The following MCM10 variants were observed in gnomAD, a reference collection of about 807,000 sequenced individuals.
The protein encoded by MCM10 is minichromosome maintenance 10 replication initiation factor.
MCM10 carries 91 observed loss-of-function variants against 109.9 expected under a neutral mutation model. The ratio of observed to expected loss-of-function variants is 0.83; its 90% CI spans 0.70 to 0.99. The LOEUF (loss-of-function observed/expected upper bound fraction) is 0.99, where lower values mean the gene tolerates loss of function less well. Among genes scored for constraint, MCM10 ranks in the 50% least tolerant of loss-of-function variants. MCM10 has a pLI of 0.00. For missense variants in MCM10, 1,077 were observed against 1,061.2 expected (o/e 1.01, Z -0.21); for synonymous variants, 380 against 387.2 (o/e 0.98, Z 0.22).
chr10:13,173,310 A>T (rs921657927), intron 5 of MCM10, among the ~76,000 whole-genome samples: 1 of 152,120 alleles, frequency 6.6e-6, no homozygotes, highest in East Asian at 1.9e-4. Context: ...GTAGTAAGTA[A>T]AGCCACTGGT....
At chr10:13,186,902 G>C (rs1834281862) in intron 9 of MCM10, among the ~76,000 whole-genome samples, 1 of 152,200 alleles carries the variant, frequency 6.6e-6, no homozygotes, top group East Asian at 1.9e-4. Context: ...TGAGGCCAGA[G>C]AATCACTTGA....
chr10:13,199,534 T>A (rs977774447), intron 16 of MCM10, among the ~76,000 whole-genome samples: 6 of 152,232 alleles, frequency 3.9e-5, no homozygotes, highest in Non-Finnish European at 5.9e-5. Flanking sequence ...AAGGACCCTT[T>A]TTAATAACAA....
Position 13,186,903 on chromosome 10 carries a change from A to C in MCM10, c.1215+623A>C, listed in dbSNP as rs138244331. Among the ~76,000 whole-genome samples the C allele has an allele frequency of 6.9e-3, 1,045 of 152,282 alleles. 17 individuals carry two copies. Among genetic ancestry groups the C allele is most frequent in the African/African-American group, 0.023 (964 of 41,550 alleles). On this transcript the variant is annotated intron_variant, in intron 9 of 19. Coordinates refer to ENST00000378714, the MANE Select transcript of MCM10 (RefSeq NM_018518.5). ...GCTACTCAGGAGGCTGAGGCCAGAG[A>C]ATCACTTGAACCTGGAAGGCAGAGG... is the stretch of plus-strand genomic sequence containing the variant.
rs1398808311 is a variant in MCM10, at chr10:13,186,370, G to A, written c.1215+90G>A. On this transcript the variant is annotated intron_variant, in intron 9 of 19. Transcript: ENST00000378714. ...GTGCTTTAGCTGTGATGACCAGTTTGGAACTGAGTTTCCCACTTAAAGGAA... is the reference window on the plus strand; with the variant it reads ...GTGCTTTAGCTGTGATGACCAGTTTAGAACTGAGTTTCCCACTTAAAGGAA... The A allele has an allele frequency of 5.0e-6, 4 of 798,434 alleles. No individual in the cohort carries two copies. The African/African-American group carries it at 6.9e-5, about 14-fold the overall frequency. The allele number at this position is 798,434 out of a possible 1,614,324, so 49.5% of individuals were successfully genotyped here.
chr10:13,180,696 G>A, intron 7 of MCM10, 89 bp downstream of exon 7: 2 of 1,440,220 alleles, frequency 1.4e-6, no homozygotes, highest in Non-Finnish European at 1.9e-6. Context: ...GAACCTGTTG[G>A]TGTTTCATTT....
At chr10:13,190,441 C>T (rs989383128) in intron 10 of MCM10, among the ~76,000 whole-genome samples, 20 of 152,206 alleles carry the variant, frequency 1.3e-4, no homozygotes, top group East Asian at 3.9e-4. Flanking sequence ...CCCAGCACTT[C>T]GGGAGGCCAA....
chr10:13,180,878 A>T (rs1444389996), intron 7 of MCM10, among the ~76,000 whole-genome samples: 1 of 152,174 alleles, frequency 6.6e-6, no homozygotes, highest in South Asian at 2.1e-4. Flanking sequence ...TGGGTGACAC[A>T]TGTGGTTGTC....
intron 5 of MCM10, among the ~76,000 whole-genome samples, chr10:13,174,678 G>A (rs1394088234): frequency 6.6e-6 from 1 of 152,112 alleles, no homozygotes; most frequent in Non-Finnish European, 1.5e-5. Context: ...GTGACTGATG[G>A]TCACATGTGT....
chr10:13,195,822 C>T (rs576321223), intron 14 of MCM10, among the ~76,000 whole-genome samples: 4 of 151,726 alleles, frequency 2.6e-5, no homozygotes, highest in African/African-American at 9.7e-5. Context: ...AGGCTGGTCT[C>T]GAACTCCTGA....
At chr10:13,204,198 G>C (rs768252422) in intron 17 of MCM10, 21 bp from the exon 18 acceptor site, 2 of 1,607,568 alleles carry the variant, frequency 1.2e-6, no homozygotes, top group Non-Finnish European at 1.7e-6. Flanking sequence ...GGCGGTGTGG[G>C]TTTTTTGTTG....
In MCM10 at chr10:13,196,366, G is replaced by A. The variant is rs947081377; in HGVS notation, c.1974+1097G>A. ...CTCTTCCCTTAAGTTAGCAGCTGCAGCCAAATGAAGGGCAAAGCTTGCTGT... is the reference window on the plus strand; with the variant it reads ...CTCTTCCCTTAAGTTAGCAGCTGCAACCAAATGAAGGGCAAAGCTTGCTGT... On this transcript the variant is annotated intron_variant, in intron 14 of 19. Coordinates refer to ENST00000378714, the MANE Select transcript of MCM10 (RefSeq NM_018518.5). 3.9e-5 allele frequency among the ~76,000 whole-genome samples: 6 copies of A among 152,280 alleles called. No individual in the cohort carries two copies. The South Asian group carries it at 6.2e-4, about 16-fold the overall frequency.
intron 2 of MCM10, among the ~76,000 whole-genome samples, chr10:13,169,937 G>A (rs1359456083): frequency 6.6e-6 from 1 of 152,116 alleles, no homozygotes; most frequent in East Asian, 1.9e-4. Flanking sequence ...AGCTCCTGAT[G>A]TCAGGTGATC....
At chr10:13,168,516 T>G (rs932088300) in intron 2 of MCM10, among the ~76,000 whole-genome samples, 1 of 144,662 alleles carries the variant, frequency 6.9e-6, no homozygotes, top group African/African-American at 2.5e-5. Flanking sequence ...GCCCCTGAAT[T>G]TCAGACAAGG....
At chr10:13,162,831 G>A (rs980415106) in intron 1 of MCM10, among the ~76,000 whole-genome samples, 1 of 152,196 alleles carries the variant, frequency 6.6e-6, no homozygotes, top group African/African-American at 2.4e-5. Flanking sequence ...TGTAATCCCA[G>A]CGCTTTGGGA....
At chr10:13,168,651 T>C (rs1032107396) in intron 2 of MCM10, among the ~76,000 whole-genome samples, 4 of 152,180 alleles carry the variant, frequency 2.6e-5, no homozygotes, top group Admixed American at 6.5e-5. Flanking sequence ...AGAAATCCGA[T>C]TGGCAAATAA....
chr10:13,193,568 A>G (rs184092595), intron 13 of MCM10, among the ~76,000 whole-genome samples: 1 of 152,264 alleles, frequency 6.6e-6, no homozygotes, highest in East Asian at 1.9e-4. Flanking sequence ...GCCATCCCGA[A>G]TCTGGGCTGC....
intron 10 of MCM10, among the ~76,000 whole-genome samples, chr10:13,189,807 G>A (rs929301361): frequency 1.5e-4 from 23 of 152,176 alleles, no homozygotes; most frequent in African/African-American, 5.1e-4. Context: ...GGAGTGGGGC[G>A]ATGCTGGGCA....
At chr10:13,185,060 A>G (rs1465397546) in intron 8 of MCM10, among the ~76,000 whole-genome samples, 2 of 152,162 alleles carry the variant, frequency 1.3e-5, no homozygotes, top group East Asian at 3.9e-4. Context: ...CCGGGAGACA[A>G]AGCACACACA....
At chr10:13,170,833 T>TA in intron 2 of MCM10, 89 bp from the exon 3 acceptor site, 2 of 1,145,124 alleles carry the variant, frequency 1.7e-6, no homozygotes, top group Non-Finnish European at 1.3e-6. Flanking sequence ...TAGTTTCTCT[T>TA]ACCCCCATGG....
Sources: gnomAD v4.1 joint callset for allele counts (sites outside exome capture counted in the v4.1 genomes callset) on GRCh38, gnomAD v4.1.1 for gene constraint, MANE v1.5 for transcripts, NCBI Gene and HGNC (gene_info 2026-07-23, HGNC 2026-07-21) for gene names.